Variants in RANBP17 observed in about 807,000 individuals in gnomAD.
The protein encoded by RANBP17 is ran-binding protein 17.
In RANBP17, 158 loss-of-function variants were observed where a neutral mutation model predicts 141.2. The ratio of observed to expected loss-of-function variants is 1.12; its 90% CI spans 0.98 to 1.28. The LOEUF (loss-of-function observed/expected upper bound fraction) is 1.28, where lower values mean the gene tolerates loss of function less well. Among genes scored for constraint, RANBP17 ranks in the 50% most tolerant of loss-of-function variants. The pLI is 0.00. For missense variants in RANBP17, 1,438 were observed against 1,290.7 expected, an observed-to-expected ratio of 1.11 and a Z score of -1.75; for synonymous variants, 430 against 450.0, an observed-to-expected ratio of 0.96 and a Z score of 0.56.
At chr5:170,985,015 A>G (rs1778034375) in intron 14 of RANBP17, among the ~76,000 whole-genome samples, 1 of 146,850 alleles carries the variant, frequency 6.8e-6, no homozygotes, top group Non-Finnish European at 1.5e-5. Context: ...ACAGACACAT[A>G]CACATATACA....
At chr5:171,075,728 A>G (rs779662) in intron 14 of RANBP17, among the ~76,000 whole-genome samples, 101,985 of 152,044 alleles carry the variant, frequency 0.67, 34,471 homozygotes, top group South Asian at 0.89. Flanking sequence ...CAAGGTGGGC[A>G]GATTGCTTGA....
At chr5:170,968,094 A>T (rs1051842973) in intron 13 of RANBP17, 148 bp from the exon 14 acceptor site, 8 of 566,536 alleles carry the variant, frequency 1.4e-5, no homozygotes, top group Admixed American at 3.8e-5. Context: ...AGGATTTCAG[A>T]TGATTCAAAA....
chr5:170,924,353 G>T lies in RANBP17; in HGVS notation c.1275-4G>T, dbSNP rs1202760951. 6 of 1,570,210 alleles carry T rather than the reference G, an allele frequency of 3.8e-6. No homozygotes were observed. Among genetic ancestry groups the T allele is most frequent in the Non-Finnish European group, 4.4e-6 (5 of 1,146,276 alleles). ...TTGTCTGCAAACTTATTCTGTGTTT[G>T]CAGAGATCACTTAGATGATCCACTG... is the stretch of plus-strand genomic sequence containing the variant. On this transcript the variant is annotated splice_polypyrimidine_tract_variant and splice_region_variant and intron_variant, in intron 11 of 27. Coordinates refer to ENST00000523189, the MANE Select transcript of RANBP17 (RefSeq NM_022897.5).
intron 22 of RANBP17, among the ~76,000 whole-genome samples, chr5:171,239,233 G>T (rs1314301998): frequency 6.6e-6 from 1 of 152,150 alleles, no homozygotes; most frequent in Non-Finnish European, 1.5e-5. Context: ...TATAAGCAAA[G>T]TTATATGGAC....
chr5:170,917,478 TACA>T (rs141770867), intron 9 of RANBP17, among the ~76,000 whole-genome samples: 1,626 of 152,324 alleles, frequency 0.011, 25 homozygotes, highest in African/African-American at 0.038. Flanking sequence ...ATCTGTAAAA[TACA>T]GATTTTTAAA....
intron 14 of RANBP17, among the ~76,000 whole-genome samples, chr5:171,138,609 G>A (rs1023852204): frequency 6.6e-6 from 1 of 151,396 alleles, no homozygotes. Flanking sequence ...AAGCAACAGT[G>A]AAAGGGACAC....
chr5:171,107,800 G>A (rs988854745), intron 14 of RANBP17, among the ~76,000 whole-genome samples: 2 of 152,182 alleles, frequency 1.3e-5, no homozygotes, highest in Admixed American at 6.5e-5. Context: ...AGACCTTCTA[G>A]GATATAAACT....
At chr5:170,868,019 T>C (rs1203344728) in intron 1 of RANBP17, among the ~76,000 whole-genome samples, 1 of 152,222 alleles carries the variant, frequency 6.6e-6, no homozygotes. Context: ...GATAGTTGCA[T>C]GCATGACTAT....
chr5:171,274,143 T>TGCGC (rs1390356964), intron 25 of RANBP17, among the ~76,000 whole-genome samples: 1 of 130,480 alleles, frequency 7.7e-6, no homozygotes, highest in South Asian at 2.4e-4. Context: ...TGTGTGTGTG[T>TGCGC]GTGTGTGCGC....
In RANBP17 at chr5:170,968,580, G is replaced by A. The variant is rs78132907; in HGVS notation, c.1710+203G>A. On this transcript the variant is annotated intron_variant, in intron 14 of 27. Coordinates refer to ENST00000523189, the MANE Select transcript of RANBP17 (RefSeq NM_022897.5). ...CATTTTCTTTAAAGATTGAGTGGCA[G>A]AGAGGTAATGAATATGTTTTACATG... 2,409 of 617,018 alleles carry A rather than the reference G, an allele frequency of 3.9e-3. 34 individuals are homozygous for A. In the African/African-American group the frequency reaches 0.04, roughly 10 times the overall value. The allele number at this position is 617,018 out of a possible 1,614,324, so 38.2% of individuals were successfully genotyped here.
At chr5:171,154,048 A>G (rs938041072) in intron 14 of RANBP17, among the ~76,000 whole-genome samples, 6 of 151,904 alleles carry the variant, frequency 3.9e-5, no homozygotes, top group African/African-American at 1.4e-4. Flanking sequence ...ATAAATAAAT[A>G]AATAAAAATT....
intron 12 of RANBP17, among the ~76,000 whole-genome samples, chr5:170,948,146 T>G (rs1308172037): frequency 6.6e-6 from 1 of 152,148 alleles, no homozygotes; most frequent in Non-Finnish European, 1.5e-5. Context: ...TTAAACTGTG[T>G]GAGTACTGGC....
rs192438418 is a variant in RANBP17, at chr5:170,913,925, C to G, written c.761-242C>G. On this transcript the variant is annotated intron_variant, in intron 7 of 27. Transcript: ENST00000523189. ...CAAATGAAAATAGTAAGAAGATTCT[C>G]CCAGTTCAAACTGTAGTGCTACATA... 2.2e-3 allele frequency among the ~76,000 whole-genome samples: 333 copies of G among 152,032 alleles called. 1 individual carries two copies. The highest frequency in any genetic ancestry group is 7.4e-3 in the African/African-American group (309 of 41,492).
intron 14 of RANBP17, among the ~76,000 whole-genome samples, chr5:171,057,691 T>A (rs77469784): frequency 0.031 from 4,683 of 152,272 alleles, 112 homozygotes; most frequent in Non-Finnish European, 0.05. Flanking sequence ...TTTCTGTTGC[T>A]GGGGAGGCCT....
intron 24 of RANBP17, among the ~76,000 whole-genome samples, chr5:171,260,458 G>A (rs369679797): frequency 1.6e-4 from 22 of 137,376 alleles, no homozygotes; most frequent in East Asian, 1.5e-3. Flanking sequence ...GCAAGACTCC[G>A]TCTCAAAAAA....
intron 14 of RANBP17, among the ~76,000 whole-genome samples, chr5:170,977,232 G>A (rs1278415224): frequency 1.3e-5 from 2 of 151,774 alleles, no homozygotes; most frequent in East Asian, 1.9e-4. Context: ...GGCCAACAAG[G>A]ACATGGAAAG....
intron 13 of RANBP17, among the ~76,000 whole-genome samples, chr5:170,966,944 A>G (rs1011471637): frequency 2.0e-5 from 3 of 152,182 alleles, no homozygotes; most frequent in Non-Finnish European, 2.9e-5. Context: ...CCCATTCACA[A>G]TTGCTTCAAA....
intron 14 of RANBP17, among the ~76,000 whole-genome samples, chr5:171,111,149 T>C (rs1755199409): frequency 6.6e-6 from 1 of 151,916 alleles, no homozygotes; most frequent in Admixed American, 6.6e-5. Context: ...AAGGTCAGAG[T>C]ATTCTTCTTG....
At position 171,265,732 on chromosome 5, in the gene RANBP17, A is replaced by T; in HGVS notation, c.2828A>T (p.Tyr943Phe). The T allele has an allele frequency of 6.2e-7, 1 of 1,614,018 alleles. No homozygotes were observed. The change falls in exon 25 of 28, where the codon TAC becomes TTC. Residue 943 changes from tyrosine to phenylalanine, a missense_variant. Physicochemically the swap from Tyr to Phe is conservative, Grantham distance 22. Coordinates refer to ENST00000523189, the MANE Select transcript of RANBP17 (RefSeq NM_022897.5). ...CCTSLDYIVT[Y>F]LFKHIAKEGK... is the part of the protein sequence containing the mutation. The stretch of plus-strand genomic sequence containing the variant: ...ACCAGTTTAGACTACATCGTCACCT[A>T]CCTCTTCAAGCACATAGCAAAAGAG...
Sources: gnomAD v4.1 joint callset for allele counts (sites outside exome capture counted in the v4.1 genomes callset) on GRCh38, gnomAD v4.1.1 for gene constraint, MANE v1.5 for transcripts, NCBI Gene and HGNC (gene_info 2026-07-23, HGNC 2026-07-21) for gene names.